UBN1: variants seen among roughly 807,000 people sequenced by gnomAD.
UBN1 encodes the protein ubinuclein-1.
A neutral mutation model predicts 108.5 loss-of-function variants in UBN1; 17 were observed. The ratio of observed to expected loss-of-function variants is 0.16; its 90% CI spans 0.11 to 0.24. The LOEUF (loss-of-function observed/expected upper bound fraction) is 0.24. UBN1 is among the 10% of genes least tolerant of loss of function. The pLI, the probability that UBN1 is intolerant of heterozygous loss-of-function variation, is 1.00. For missense variants in UBN1, 1,595 were observed against 1,394.4 expected, an observed-to-expected ratio of 1.14 and a Z score of -2.29; for synonymous variants, 726 against 564.2, an observed-to-expected ratio of 1.29 and a Z score of -4.07.
chr16:4,858,372 A>G (rs1316130702), intron 3 of UBN1, among the ~76,000 whole-genome samples, 196 bp from the exon 4 acceptor site: 2 of 152,212 alleles, frequency 1.3e-5, no homozygotes, highest in Non-Finnish European at 1.5e-5. Flanking sequence ...GTCCTAGGAC[A>G]TTTTATACAG....
intron 1 of UBN1, among the ~76,000 whole-genome samples, chr16:4,849,705 A>G (rs1596465779): frequency 6.6e-6 from 1 of 151,272 alleles, no homozygotes. Context: ...CCATCCTCCC[A>G]CCTCAGCCTC....
chr16:4,848,493 C>A (rs2086326433), intron 1 of UBN1: 1 of 152,342 alleles, frequency 6.6e-6, no homozygotes. Context: ...TGAGTCACTG[C>A]CAGCTGGCAA....
Position 4,861,043 on chromosome 16 carries a change from T to C in UBN1, c.1051T>C (p.Ser351Pro). The change falls in exon 7 of 18, where the codon TCT (serine) becomes CCT (proline). Residue 351 changes from serine to proline, a missense_variant. Transcript: ENST00000262376. ...ATTGGACCAGGAATTCAGGCAGCCC[T>C]CTTCTCTCCCCGAAGGCCTGCCAGC... ...VGLDQEFRQP[S>P]SLPEGLPAPL... is the part of the protein sequence containing the mutation. 3 of 1,614,106 alleles carry C rather than the reference T, an allele frequency of 1.9e-6. No homozygotes were observed. The highest frequency in any genetic ancestry group is 2.5e-6 in the Non-Finnish European group (3 of 1,180,038).
At position 4,848,070 on chromosome 16, in the gene UBN1, G is replaced by A. The variant is rs2086289181; in HGVS notation, c.-180G>A. 1 of 152,168 alleles carries A rather than the reference G, an allele frequency of 6.6e-6. No individual in the cohort carries two copies. Among genetic ancestry groups the A allele is most frequent in the South Asian group, 2.1e-4 (1 of 4,832 alleles). The allele number at this position is 152,168 out of a possible 1,614,324, so 9.4% of individuals were successfully genotyped here. On this transcript the variant is annotated 5_prime_UTR_variant, in exon 1 of 18. Coordinates refer to ENST00000262376, the MANE Select transcript of UBN1 (RefSeq NM_001079514.3). ...AGGCTCCCCTGGGCTCGGGGACCCG[G>A]CCATGGGCCGAGGCGCGGGCCGCCC...
At chr16:4,867,513 G>C (rs754355637) in intron 7 of UBN1, among the ~76,000 whole-genome samples, 3 of 152,184 alleles carry the variant, frequency 2.0e-5, no homozygotes, top group Non-Finnish European at 4.4e-5. Context: ...ACTGTAATTG[G>C]GAAATTTCTC....
intron 12 of UBN1, 89 bp from the exon 13 acceptor site, chr16:4,872,795 C>A: frequency 1.4e-6 from 2 of 1,466,024 alleles, no homozygotes; most frequent in Non-Finnish European, 1.9e-6. Context: ...GGGATAGCTA[C>A]TGAGGACCAG....
intron 2 of UBN1, 70 bp from the exon 3 acceptor site, chr16:4,857,918 CAG>C (rs1780631657): frequency 3.6e-6 from 4 of 1,110,686 alleles, no homozygotes; most frequent in Non-Finnish European, 4.0e-6. Context: ...ATTGAGTAAT[CAG>C]TGAAGTTTCT....
At chr16:4,861,867 A>G (rs2087081502) in intron 7 of UBN1, among the ~76,000 whole-genome samples, 1 of 152,202 alleles carries the variant, frequency 6.6e-6, no homozygotes, top group Middle Eastern at 3.2e-3. Flanking sequence ...GCTTGAACCC[A>G]GGAGGCGGAG....
chr16:4,871,778 G>A (rs991439014), intron 12 of UBN1, among the ~76,000 whole-genome samples: 1 of 151,806 alleles, frequency 6.6e-6, no homozygotes, highest in African/African-American at 2.4e-5. Context: ...AGTAGAAATG[G>A]GGTTTCACCG....
chr16:4,851,060 G>T (rs573063523), intron 1 of UBN1, among the ~76,000 whole-genome samples: 1 of 152,288 alleles, frequency 6.6e-6, no homozygotes, highest in East Asian at 1.9e-4. Context: ...CTGTGATGTT[G>T]CTTTGCAATA....
chr16:4,879,214 C>CT lies in UBN1; in HGVS notation c.3356-868dup, dbSNP rs566200941. Among the ~76,000 whole-genome samples the CT allele has an allele frequency of 2.5e-3, 377 of 152,278 alleles. 1 individual carries two copies. The highest frequency in any genetic ancestry group is 8.4e-3 in the African/African-American group (350 of 41,564). ...TGAGATGATGGATATGCTAATAACTCTAACGTGACACTACACATTTTAGAT... is the reference window on the plus strand; with the variant it reads ...TGAGATGATGGATATGCTAATAACTCTTAACGTGACACTACACATTTTAGAT... On this transcript the variant is annotated intron_variant, in intron 17 of 17. Transcript: ENST00000262376.
rs189636912 is a variant in UBN1 at position 4,870,168 on chromosome 16, T to C, written c.1182-44T>C. ...TACGGTGAGCTGATGAAGACAGGAG[T>C]TGCAGTGAGCTGCAGCCGGTGGTGA... is the stretch of plus-strand genomic sequence containing the variant. On this transcript the variant is annotated intron_variant, in intron 8 of 17. Transcript: ENST00000262376. 6.8e-6 allele frequency: 11 copies of C among 1,612,074 alleles called. No individual in the cohort carries two copies. The East Asian group carries it at 2.0e-4, about 29-fold the overall frequency.
At chr16:4,871,642 A>G (rs2087642056) in intron 12 of UBN1, among the ~76,000 whole-genome samples, 1 of 125,014 alleles carries the variant, frequency 8.0e-6, no homozygotes, top group Admixed American at 1.1e-4. Flanking sequence ...GCTGGAGTGC[A>G]GTGGTATGAT....
At position 4,861,048 on chromosome 16, in the gene UBN1, T is replaced by C. The variant is rs147482211; in HGVS notation, c.1056T>C (p.Ser352=). The C allele has an allele frequency of 5.5e-5, 88 of 1,613,846 alleles. No homozygotes were observed. Among genetic ancestry groups the C allele is most frequent in the Non-Finnish European group, 6.9e-5 (82 of 1,180,022 alleles). The change falls in exon 7 of 18, where the codon TCT becomes TCC. Residue 352 remains serine, a synonymous_variant. Transcript: ENST00000262376. The stretch of plus-strand genomic sequence containing the variant: ...ACCAGGAATTCAGGCAGCCCTCTTC[T>C]CTCCCCGAAGGCCTGCCAGCACCCC... ...GLDQEFRQPS[S]LPEGLPAPLE...
At chr16:4,857,928 T>G (rs1010488421) in intron 2 of UBN1, 62 bp from the exon 3 acceptor site, 10 of 1,288,932 alleles carry the variant, frequency 7.8e-6, no homozygotes, top group South Asian at 2.5e-5. Context: ...CAGTGAAGTT[T>G]CTATGAATAA....
Position 4,881,918 on chromosome 16 carries a change from G to C in UBN1, c.*1786G>C, listed in dbSNP as rs2088085638. 1.3e-5 allele frequency: 2 copies of C among 152,318 alleles called. No homozygotes were observed. The highest frequency in any genetic ancestry group is 3.9e-4 in the East Asian group (2 of 5,154). 9.4% of individuals were successfully genotyped at this position (152,318 alleles called of 1,614,324 possible). A position where few individuals can be genotyped will look rare whatever the true frequency, so the allele number is the denominator to read the frequency against. Reference sequence around the variant, plus strand: ...TCTGCCCATAAACACCCGGGTCCCAGGCCCTCCTTCCTTTCCCTTTGGTGC... The same window carrying C: ...TCTGCCCATAAACACCCGGGTCCCACGCCCTCCTTCCTTTCCCTTTGGTGC... On this transcript the variant is annotated 3_prime_UTR_variant, in exon 18 of 18. Coordinates refer to ENST00000262376, the MANE Select transcript of UBN1 (RefSeq NM_001079514.3).
intron 7 of UBN1, among the ~76,000 whole-genome samples, chr16:4,863,620 C>A (rs1372179660): frequency 1.3e-5 from 2 of 152,050 alleles, no homozygotes; most frequent in Non-Finnish European, 2.9e-5. Flanking sequence ...AATTTTCCCC[C>A]CCTTTTCCCT....
At chr16:4,870,403 T>A in intron 9 of UBN1, 62 bp downstream of exon 9, 1 of 1,610,758 alleles carries the variant, frequency 6.2e-7, no homozygotes, top group Non-Finnish European at 8.5e-7. Flanking sequence ...TGACTGAGTC[T>A]TAAGCAATGA....
chr16:4,847,493 C>A lies in UBN1; in HGVS notation c.-757C>A. ...CGCAGAGACTCCCGGCTCCTTCCCC[C>A]TCCCTTCGGCTCGTGACAACGAAGC... On this transcript the variant is annotated 5_prime_UTR_variant, in exon 1 of 18. Transcript: ENST00000262376. The A allele has an allele frequency of 3.6e-6, 2 of 563,220 alleles. No homozygotes were observed. The highest frequency in any genetic ancestry group is 5.9e-6 in the Non-Finnish European group (2 of 336,630). The allele number at this position is 563,220 out of a possible 1,614,324, so 34.9% of individuals were successfully genotyped here. A position where few individuals can be genotyped will look rare whatever the true frequency, so the allele number is the denominator to read the frequency against.
Sources: gnomAD v4.1 joint callset for allele counts (sites outside exome capture counted in the v4.1 genomes callset) on GRCh38, gnomAD v4.1.1 for gene constraint, MANE v1.5 for transcripts, NCBI Gene and HGNC (gene_info 2026-07-23, HGNC 2026-07-21) for gene names.